The following SERGEF variants were observed in gnomAD, a reference collection of about 807,000 sequenced individuals.
SERGEF encodes the protein secretion-regulating guanine nucleotide exchange factor.
A neutral mutation model predicts 50.0 loss-of-function variants in SERGEF; 51 were observed. The observed-to-expected ratio is 1.02, with a 90% CI of 0.81 to 1.29. The LOEUF is 1.29. SERGEF is among the 50% of genes most tolerant of loss of function. The probability of loss-of-function intolerance (pLI) is 0.00; values close to 1 mark genes in which losing one functional copy is unlikely to be tolerated. For synonymous variants in SERGEF, 205 were observed against 212.4 expected, an observed-to-expected ratio of 0.97 and a Z score of 0.30; for missense variants, 521 against 557.0, an observed-to-expected ratio of 0.94 and a Z score of 0.65.
At chr11:17,868,812 G>A (rs1343465969) in intron 10 of SERGEF, among the ~76,000 whole-genome samples, 1 of 152,172 alleles carries the variant, frequency 6.6e-6, no homozygotes, top group Non-Finnish European at 1.5e-5. Context: ...GAGAGCTTGT[G>A]CAGGGAAACT....
intron 10 of SERGEF, among the ~76,000 whole-genome samples, chr11:17,871,553 T>C (rs1851138121): frequency 6.6e-6 from 1 of 150,976 alleles, no homozygotes; most frequent in South Asian, 2.1e-4. Context: ...CTACAAGATA[T>C]AAGGGATGCC....
chr11:17,841,745 C>T (rs1322322679), intron 10 of SERGEF, among the ~76,000 whole-genome samples: 1 of 152,174 alleles, frequency 6.6e-6, no homozygotes, highest in Non-Finnish European at 1.5e-5. Context: ...CTTCACATGG[C>T]CTGCAAGAAC....
At chr11:18,007,535 C>CTACT (rs1349264370) in intron 2 of SERGEF, among the ~76,000 whole-genome samples, 1 of 152,204 alleles carries the variant, frequency 6.6e-6, no homozygotes, top group Non-Finnish European at 1.5e-5. Context: ...TTGTTAAGTG[C>CTACT]TATCCTAGAT....
At chr11:17,858,002 T>G (rs576887020) in intron 10 of SERGEF, among the ~76,000 whole-genome samples, 1 of 152,302 alleles carries the variant, frequency 6.6e-6, no homozygotes, top group African/African-American at 2.4e-5. Context: ...TAACTGATTA[T>G]GCAGAGTGGA....
At chr11:17,891,157 T>G (rs1851525751) in intron 9 of SERGEF, among the ~76,000 whole-genome samples, 1 of 152,194 alleles carries the variant, frequency 6.6e-6, no homozygotes, top group Admixed American at 6.5e-5. Flanking sequence ...GTACCTTGGA[T>G]GAGATGCTCT....
chr11:17,964,399 C>T (rs1853076296), intron 8 of SERGEF, among the ~76,000 whole-genome samples: 1 of 152,088 alleles, frequency 6.6e-6, no homozygotes, highest in Non-Finnish European at 1.5e-5. Context: ...TGAGAAGTAG[C>T]TCCAGGGATG....
intron 6 of SERGEF, 143 bp from the exon 7 acceptor site, chr11:17,993,136 G>A (rs1853756244): frequency 1.6e-6 from 1 of 634,584 alleles, no homozygotes; most frequent in African/African-American, 1.8e-5. Context: ...TGGCCAAGAA[G>A]ATGGCTGGCA....
In SERGEF at chr11:18,010,225, T is replaced by A. The variant is rs1246676536; in HGVS notation, c.61-2149A>T. The A allele has an allele frequency of 9.0e-5, 46 of 512,076 alleles. 1 individual carries two copies. Among genetic ancestry groups the A allele is most frequent in the South Asian group, 5.1e-4 (21 of 41,330 alleles). The allele number at this position is 512,076 out of a possible 1,614,324, so 31.7% of individuals were successfully genotyped here. A position where few individuals can be genotyped will look rare whatever the true frequency, so the allele number is the denominator to read the frequency against. Reference sequence around the variant, plus strand: ...CATACATACATAATCCTTCCCCTTGTAGTCTATTTCACAGCCATCCTGGGC... The same window carrying A: ...CATACATACATAATCCTTCCCCTTGAAGTCTATTTCACAGCCATCCTGGGC... On this transcript the variant is annotated intron_variant, in intron 1 of 10. Coordinates refer to ENST00000265965, the MANE Select transcript of SERGEF (RefSeq NM_012139.4).
At chr11:17,836,453 G>A (rs764493002) in intron 10 of SERGEF, among the ~76,000 whole-genome samples, 1 of 152,184 alleles carries the variant, frequency 6.6e-6, no homozygotes, top group Non-Finnish European at 1.5e-5. Context: ...AGTAGAAAAT[G>A]GGGATTTGAT....
intron 10 of SERGEF, among the ~76,000 whole-genome samples, chr11:17,837,022 A>C (rs1240827621): frequency 6.6e-6 from 1 of 152,138 alleles, no homozygotes; most frequent in Non-Finnish European, 1.5e-5. Flanking sequence ...CACTTCTCCA[A>C]GCTATCTTTT....
rs73426256 is a variant in SERGEF at position 17,876,441 on chromosome 11, C to T, written c.1048+1767G>A. ...ACACTAACAAGTATTTCTCCCCTCC[C>T]GCTACCCAACCAAGAGAAAAGAGAA... is the stretch of plus-strand genomic sequence containing the variant. On this transcript the variant is annotated intron_variant, in intron 10 of 10. Transcript: ENST00000265965. Among the ~76,000 whole-genome samples, 1,358 of 152,306 alleles carry T rather than the reference C, an allele frequency of 8.9e-3. 25 individuals carry two copies. The highest frequency in any genetic ancestry group is 0.031 in the African/African-American group (1,295 of 41,552).
chr11:17,898,603 G>C (rs1270935480), intron 9 of SERGEF, among the ~76,000 whole-genome samples: 8 of 152,104 alleles, frequency 5.3e-5, no homozygotes, highest in Admixed American at 1.3e-4. Context: ...AACAAAAGGG[G>C]AAGTGTGAAA....
chr11:17,984,275 C>A (rs1025508471), intron 8 of SERGEF, among the ~76,000 whole-genome samples: 2 of 152,102 alleles, frequency 1.3e-5, no homozygotes, highest in Admixed American at 6.5e-5. Flanking sequence ...GTACAGGAAG[C>A]ATAGTTCGAG....
chr11:17,883,728 A>T (rs1851377250), intron 9 of SERGEF, among the ~76,000 whole-genome samples: 1 of 152,138 alleles, frequency 6.6e-6, no homozygotes, highest in African/African-American at 2.4e-5. Flanking sequence ...CCAGGGACGT[A>T]AGCCTGGGAG....
In SERGEF at chr11:17,923,282, C is replaced by A. The variant is rs146664767; in HGVS notation, c.1011+36188G>T. ...GGAGAGCAGGGGCCATACCTCAGTG[C>A]GCTCAGCTCTGTAAGCAGCTCAGGA... On this transcript the variant is annotated intron_variant, in intron 9 of 10. Transcript: ENST00000265965. Among the ~76,000 whole-genome samples, 907 of 152,338 alleles carry A rather than the reference C, an allele frequency of 6.0e-3. 14 individuals carry two copies. Among genetic ancestry groups the A allele is most frequent in the African/African-American group, 0.02 (842 of 41,576 alleles).
rs1404967006 is a variant in SERGEF, at chr11:17,888,331, G to A, written c.1012-10087C>T. On this transcript the variant is annotated intron_variant, in intron 9 of 10. Coordinates refer to ENST00000265965, the MANE Select transcript of SERGEF (RefSeq NM_012139.4). The surrounding 1 kb of genome is among the most constrained non-coding windows in gnomAD (Gnocchi z 4.1). ...AAATAATATAACTGCTCTGAAGGGG[G>A]TCAGAATAACTCTTGAACACAGTAC... 6.6e-6 allele frequency among the ~76,000 whole-genome samples: 1 copy of A among 152,080 alleles called. No homozygotes were observed.
chr11:17,867,484 G>A (rs1851052414), intron 10 of SERGEF, among the ~76,000 whole-genome samples: 1 of 152,252 alleles, frequency 6.6e-6, no homozygotes, highest in Admixed American at 6.5e-5. Context: ...GCAGGGTACA[G>A]CCTCCTTCCT....
At chr11:18,008,139 CT>C (rs1191515991) in intron 1 of SERGEF, 63 bp from the exon 2 acceptor site, 20 of 1,483,280 alleles carry the variant, frequency 1.3e-5, no homozygotes, top group Non-Finnish European at 1.9e-5. Flanking sequence ...GTCTATTTAC[CT>C]GTCTCTGTCT....
chr11:17,997,967 A>C (rs1329835733), intron 5 of SERGEF, among the ~76,000 whole-genome samples: 2 of 152,216 alleles, frequency 1.3e-5, no homozygotes, highest in Non-Finnish European at 2.9e-5. Context: ...TGGTGATTGC[A>C]TAATGATATG....
Sources: gnomAD v4.1 joint callset for allele counts (sites outside exome capture counted in the v4.1 genomes callset) on GRCh38, gnomAD v4.1.1 for gene constraint, Gnocchi (gnomAD v3.1) non-coding constraint, MANE v1.5 for transcripts, NCBI Gene and HGNC (gene_info 2026-07-23, HGNC 2026-07-21) for gene names.